The following DNAH9 variants were observed in gnomAD, a reference collection of about 807,000 sequenced individuals.
The protein encoded by DNAH9 is dynein axonemal heavy chain 9, also known as DNAH9 variant protein.
Under a neutral mutation model 471.6 loss-of-function variants are expected in DNAH9, and 345 were observed. That is an observed-to-expected ratio of 0.73 (90% CI 0.67 to 0.80). DNAH9 has a LOEUF of 0.80. Ranked by LOEUF, DNAH9 falls within the 30% of genes least tolerant of loss-of-function variation. DNAH9 has a pLI of 0.00. For synonymous variants in DNAH9, 2,093 were observed against 2,123.6 expected (o/e 0.99, Z 0.40); for missense variants, 5,407 against 5,609.2 (o/e 0.96, Z 1.15).
In DNAH9 at chr17:11,883,120, A is replaced by G. The variant is rs959917482; in HGVS notation, c.10807-466A>G. ...CGAGGAAGCTTTTACACAGTCTGCC[A>G]TGGTTTTACACAGTTTAAAACTGGA... On this transcript the variant is annotated intron_variant, in intron 55 of 68. Transcript: ENST00000262442. 5.1e-6 allele frequency: 5 copies of G among 989,298 alleles called. No homozygotes were observed. In the African/African-American group the frequency reaches 5.2e-5, roughly 10 times the overall value. The allele number at this position is 989,298 out of a possible 1,614,324, so 61.3% of individuals were successfully genotyped here.
chr17:11,797,902 G>A lies in DNAH9; in HGVS notation c.8420+109G>A, dbSNP rs1267657882. On this transcript the variant is annotated intron_variant, in intron 43 of 68. Transcript: ENST00000262442. ...TCCGTAAAGCCAGGTAAGGAGCTCCGGCTTCTGCCTTAAAAGTCAAGATGG... is the reference window on the plus strand; with the variant it reads ...TCCGTAAAGCCAGGTAAGGAGCTCCAGCTTCTGCCTTAAAAGTCAAGATGG... 57 of 1,134,542 alleles carry A rather than the reference G, an allele frequency of 5.0e-5. No homozygotes were observed. The East Asian group carries it at 1.2e-3, about 24-fold the overall frequency. The allele number at this position is 1,134,542 out of a possible 1,614,324, so 70.3% of individuals were successfully genotyped here. A position where few individuals can be genotyped will look rare whatever the true frequency, so the allele number is the denominator to read the frequency against.
In DNAH9 at chr17:11,611,719, G is replaced by A. The variant is rs1031723640; in HGVS notation, c.843G>A (p.Leu281=). 8.1e-6 allele frequency: 13 copies of A among 1,613,776 alleles called. No individual in the cohort carries two copies. The highest frequency in any genetic ancestry group is 1.3e-5 in the African/African-American group (1 of 74,932). The change falls in exon 4 of 69, where the codon CTG becomes CTA. Residue 281 remains leucine (L), a synonymous_variant. Coordinates refer to ENST00000262442, the MANE Select transcript of DNAH9 (RefSeq NM_001372.4). ...TITVRGMAKL[L]DKLQSSYFPA... ...CGGTGAGGGGCATGGCCAAGCTCCT[G>A]GACAAGCTTCAGAGTAGCTACTTTC...
chr17:11,632,323 C>A (rs73290813), intron 7 of DNAH9, among the ~76,000 whole-genome samples: 2 of 152,178 alleles, frequency 1.3e-5, no homozygotes, highest in African/African-American at 4.8e-5. Context: ...GGAAGCAGAA[C>A]GGAGGAGCAT....
intron 28 of DNAH9, among the ~76,000 whole-genome samples, chr17:11,736,987 G>A (rs903426104): frequency 6.6e-6 from 1 of 152,216 alleles, no homozygotes; most frequent in Non-Finnish European, 1.5e-5. Flanking sequence ...GAGAGAACCA[G>A]CCTTTGCCAG....
chr17:11,782,164 T>TGAA (rs1336431488), intron 39 of DNAH9, among the ~76,000 whole-genome samples: 1 of 152,174 alleles, frequency 6.6e-6, no homozygotes, highest in Non-Finnish European at 1.5e-5. Flanking sequence ...ATTGGATGCT[T>TGAA]GAACTATGGA....
Position 11,669,400 on chromosome 17 carries a change from A to G in DNAH9, c.2959A>G (p.Asn987Asp). Reference protein sequence around the residue: ...VDLDGIPDLANMRRTLMERVQ... With the variant: ...VDLDGIPDLADMRRTLMERVQ... ...CCTGGACGGTATACCAGATTTGGCA[A>G]ACATGCGGCGCACACTCATGGAGAG... The change falls in exon 17 of 69, where the codon AAC (asparagine) becomes GAC (aspartate). Residue 987 changes from asparagine (N) to aspartate (D), a missense_variant. Coordinates refer to ENST00000262442, the MANE Select transcript of DNAH9 (RefSeq NM_001372.4). The G allele has an allele frequency of 6.2e-7, 1 of 1,613,596 alleles. No individual in the cohort carries two copies.
chr17:11,806,470 T>C (rs1969686207), intron 43 of DNAH9, among the ~76,000 whole-genome samples: 1 of 152,198 alleles, frequency 6.6e-6, no homozygotes, highest in African/African-American at 2.4e-5. Flanking sequence ...AACACAATGT[T>C]GGTATTCTAC....
In DNAH9 at chr17:11,822,496, C is replaced by G. The variant is rs1416805078; in HGVS notation, c.8909C>G (p.Pro2970Arg). ...CTAAGAGTCCGCAGCAGGAAGTTCC[C>G]AGCCATTGTGAACTGCACAGCCATC... ...NKLRVRSRKFPAIVNCTAIHW... is the reference protein window; with the variant it reads ...NKLRVRSRKFRAIVNCTAIHW... The change falls in exon 47 of 69, where the codon CCA (proline) becomes CGA (arginine). Residue 2970 changes from proline to arginine, a missense_variant. Physicochemically the swap from Pro to Arg is moderately radical, Grantham distance 103. Around this residue, in one of 3 missense-constraint regions of DNAH9, gnomAD observed 4,636 missense variants for 4,900.3 expected, o/e 0.95. Coordinates refer to ENST00000262442, the MANE Select transcript of DNAH9 (RefSeq NM_001372.4). The G allele has an allele frequency of 2.5e-6, 4 of 1,614,050 alleles. No individual in the cohort carries two copies. The highest frequency in any genetic ancestry group is 3.4e-6 in the Non-Finnish European group (4 of 1,180,034).
chr17:11,762,021 G>C (rs1461778761), intron 35 of DNAH9, among the ~76,000 whole-genome samples: 1 of 150,930 alleles, frequency 6.6e-6, no homozygotes, highest in South Asian at 2.1e-4. Context: ...GAGCCCAAGA[G>C]AGTTGTGTTA....
At chr17:11,621,670 C>T (rs12603038) in intron 6 of DNAH9, among the ~76,000 whole-genome samples, 151,093 of 152,288 alleles carry the variant, frequency 0.99, 74,962 homozygotes, top group East Asian at 1. Flanking sequence ...AATGCGATTT[C>T]CCTGTAAGAG....
At position 11,669,137 on chromosome 17, in the gene DNAH9, G is replaced by A. The variant is rs146085853; in HGVS notation, c.2805G>A (p.Pro935=). ...SLAIPELVFY[P]SLESGVKGGF... Reference sequence around the variant, plus strand: ...CCATCCCAGAGCTAGTTTTCTATCCGTCTCTGGAGTCTGGAGTGAAGGGGG... The same window carrying A: ...CCATCCCAGAGCTAGTTTTCTATCCATCTCTGGAGTCTGGAGTGAAGGGGG... Residue 935 remains proline, a synonymous_variant, in exon 16 of 69, where the codon CCG becomes CCA. Transcript: ENST00000262442. The A allele has an allele frequency of 8.4e-5, 136 of 1,613,524 alleles. No individual in the cohort carries two copies. Among genetic ancestry groups the A allele is most frequent in the South Asian group, 6.9e-4 (63 of 91,058 alleles).
At chr17:11,769,397 G>A (rs1968107867) in intron 38 of DNAH9, 68 bp downstream of exon 38, 13 of 1,436,290 alleles carry the variant, frequency 9.1e-6, no homozygotes, top group Middle Eastern at 2.2e-4. Flanking sequence ...CAGAGCTGAA[G>A]CCAAGCGTCA....
At chr17:11,738,196 G>C (rs1362944800) in intron 28 of DNAH9, among the ~76,000 whole-genome samples, 3 of 152,162 alleles carry the variant, frequency 2.0e-5, no homozygotes, top group African/African-American at 7.2e-5. Flanking sequence ...TCCAAGCATG[G>C]TGAAGCTCAA....
At chr17:11,609,049 C>T (rs958915864) in intron 2 of DNAH9, among the ~76,000 whole-genome samples, 3 of 152,202 alleles carry the variant, frequency 2.0e-5, no homozygotes, top group African/African-American at 4.8e-5. Flanking sequence ...TGCTATATTT[C>T]ATCCAGCATC....
chr17:11,707,627 C>T (rs1214629764), intron 26 of DNAH9, among the ~76,000 whole-genome samples: 1 of 152,104 alleles, frequency 6.6e-6, no homozygotes, highest in East Asian at 1.9e-4. Flanking sequence ...CTCTGTATCT[C>T]TCTTTTTTGT....
At chr17:11,722,418 G>A (rs983147287) in intron 27 of DNAH9, among the ~76,000 whole-genome samples, 5 of 152,206 alleles carry the variant, frequency 3.3e-5, no homozygotes, top group African/African-American at 1.2e-4. Flanking sequence ...ATAGGTTTTG[G>A]TGAGAGCATC....
intron 67 of DNAH9, among the ~76,000 whole-genome samples, chr17:11,946,262 A>G (rs894771940): frequency 3.3e-5 from 5 of 151,792 alleles, no homozygotes; most frequent in Admixed American, 3.3e-4. Flanking sequence ...CAGACTTTAA[A>G]CTTGAACAGC....
In DNAH9 at chr17:11,664,858, A is replaced by G. The variant is rs777112659; in HGVS notation, c.2621A>G (p.Asp874Gly). 1 of 1,613,264 alleles carries G rather than the reference A, an allele frequency of 6.2e-7. No homozygotes were observed. The highest frequency in any genetic ancestry group is 8.5e-7 in the Non-Finnish European group (1 of 1,179,480). Residue 874 changes from aspartate (D) to glycine (G), a missense_variant, in exon 15 of 69, where the codon GAC becomes GGC. This residue lies in a region of DNAH9 where 4,636 missense variants were observed against 4,900.3 expected (regional missense o/e 0.95). Transcript: ENST00000262442. ...VQENLGLFSADPTSNIWKTYV... is the reference protein window; with the variant it reads ...VQENLGLFSAGPTSNIWKTYV... ...GAAAACCTGGGTCTATTTTCAGCAGACCCAACCTCCAATATCTGGAAGACT... is the reference window on the plus strand; with the variant it reads ...GAAAACCTGGGTCTATTTTCAGCAGGCCCAACCTCCAATATCTGGAAGACT...
chr17:11,699,513 C>T (rs988147736), intron 22 of DNAH9, among the ~76,000 whole-genome samples: 6 of 152,158 alleles, frequency 3.9e-5, no homozygotes, highest in Non-Finnish European at 7.3e-5. Context: ...TAGTGCACAA[C>T]TCTCACTAGT....
Sources: allele counts gnomAD v4.1 joint callset (sites outside exome capture counted in the v4.1 genomes callset), GRCh38; gene constraint gnomAD v4.1.1; regional missense constraint gnomAD v4.1.1; transcripts MANE v1.5; gene names NCBI Gene and HGNC (gene_info 2026-07-23, HGNC 2026-07-21).